Variants in SUGCT observed in about 807,000 individuals in gnomAD.
SUGCT encodes succinyl-CoA:glutarate-CoA transferase, also known as succinyl-CoA:glutarate CoA-transferase.
A neutral mutation model predicts 55.0 loss-of-function variants in SUGCT; 41 were observed. That is an observed-to-expected ratio of 0.74 (90% CI 0.58 to 0.97). The LOEUF is 0.97. SUGCT is among the 50% of genes least tolerant of loss of function. The pLI, the probability that SUGCT is intolerant of heterozygous loss-of-function variation, is 0.00. For missense variants in SUGCT, 568 were observed against 547.8 expected, an observed-to-expected ratio of 1.04 and a Z score of -0.37; for synonymous variants, 187 against 200.4, an observed-to-expected ratio of 0.93 and a Z score of 0.56.
At chr7:40,777,228 A>T (rs754157701) in intron 13 of SUGCT, among the ~76,000 whole-genome samples, 2 of 152,132 alleles carry the variant, frequency 1.3e-5, no homozygotes, top group Non-Finnish European at 2.9e-5. Flanking sequence ...CTAGACCCAG[A>T]TATTAGTTTC....
chr7:40,762,683 G>A (rs543833617), intron 13 of SUGCT, among the ~76,000 whole-genome samples: 9 of 152,086 alleles, frequency 5.9e-5, no homozygotes, highest in Non-Finnish European at 8.8e-5. Flanking sequence ...TTTCTTAGGA[G>A]CAGAGATTGA....
intron 6 of SUGCT, among the ~76,000 whole-genome samples, chr7:40,210,468 GTA>G (rs904784701): frequency 6.7e-6 from 1 of 149,112 alleles, no homozygotes; most frequent in Non-Finnish European, 1.5e-5. Flanking sequence ...GTGTGTGTGT[GTA>G]TATATATATG....
chr7:40,952,849 T>A, the SUGCT span, among the ~76,000 whole-genome samples: 5 of 152,220 alleles, frequency 3.3e-5, no homozygotes, highest in African/African-American at 1.2e-4. Context: ...CTTCCCTTTG[T>A]GGGTAACCCA....
chr7:40,365,031 G>A (rs868442786), intron 9 of SUGCT, among the ~76,000 whole-genome samples: 1,794 of 152,042 alleles, frequency 0.012, 33 homozygotes, highest in African/African-American at 0.039. Flanking sequence ...CTGGCAAACC[G>A]AATCCAGCAG....
intron 13 of SUGCT, among the ~76,000 whole-genome samples, chr7:40,801,224 A>G (rs762032639): frequency 5.9e-5 from 9 of 152,230 alleles, no homozygotes; most frequent in Non-Finnish European, 1.0e-4. Flanking sequence ...ACTTCAGCAT[A>G]CACATGAGCC....
chr7:40,613,790 A>T (rs1368133992), intron 12 of SUGCT, among the ~76,000 whole-genome samples: 1 of 152,066 alleles, frequency 6.6e-6, no homozygotes, highest in Non-Finnish European at 1.5e-5. Context: ...TTGTATTTTT[A>T]GTAGAAACGG....
intron 13 of SUGCT, among the ~76,000 whole-genome samples, chr7:40,814,365 A>C (rs1047095220): frequency 2.6e-5 from 4 of 152,050 alleles, no homozygotes; most frequent in Admixed American, 2.6e-4. Context: ...CACTTTACAT[A>C]ATATTTCTTG....
intron 13 of SUGCT, among the ~76,000 whole-genome samples, chr7:40,828,654 A>C (rs1289454921): frequency 6.6e-6 from 1 of 152,066 alleles, no homozygotes; most frequent in Non-Finnish European, 1.5e-5. Flanking sequence ...TTTACCCTTT[A>C]CATTAATTTG....
chr7:40,516,020 C>T (rs1295396738), intron 12 of SUGCT, among the ~76,000 whole-genome samples: 1 of 151,898 alleles, frequency 6.6e-6, no homozygotes, highest in Non-Finnish European at 1.5e-5. Context: ...TCCCTTTCTT[C>T]TTTCTTCTTT....
chr7:40,776,009 C>A (rs1267123398), intron 13 of SUGCT, among the ~76,000 whole-genome samples: 1 of 152,190 alleles, frequency 6.6e-6, no homozygotes, highest in Non-Finnish European at 1.5e-5. Flanking sequence ...CACCTGAGCC[C>A]TTCCCCATTG....
intron 1 of SUGCT, among the ~76,000 whole-genome samples, chr7:40,158,624 C>A (rs1210066249): frequency 6.6e-6 from 1 of 152,108 alleles, no homozygotes; most frequent in East Asian, 1.9e-4. Context: ...GTGGCATGTG[C>A]CTGTAGGCCG....
chr7:40,766,892 A>G (rs1788818960), intron 13 of SUGCT, among the ~76,000 whole-genome samples: 1 of 152,200 alleles, frequency 6.6e-6, no homozygotes, highest in Non-Finnish European at 1.5e-5. Context: ...TTTAATTTGC[A>G]CTATGGGGAA....
intron 9 of SUGCT, among the ~76,000 whole-genome samples, chr7:40,377,793 AATT>A (rs1784678831): frequency 6.6e-6 from 1 of 152,182 alleles, no homozygotes; most frequent in African/African-American, 2.4e-5. Context: ...GCTTGCAATT[AATT>A]ATTTTATAAT....
At chr7:40,579,808 G>A (rs1278096423) in intron 12 of SUGCT, among the ~76,000 whole-genome samples, 1 of 152,154 alleles carries the variant, frequency 6.6e-6, no homozygotes, top group Admixed American at 6.6e-5. Flanking sequence ...CCCAATGTGA[G>A]GCCAAAGCAC....
intron 11 of SUGCT, among the ~76,000 whole-genome samples, chr7:40,475,981 A>G (rs1416564870): frequency 6.6e-6 from 1 of 152,080 alleles, no homozygotes; most frequent in East Asian, 1.9e-4. Context: ...CTGAGGTGGT[A>G]TAGCAGGGGG....
intron 9 of SUGCT, among the ~76,000 whole-genome samples, chr7:40,405,313 A>G (rs1037232938): frequency 6.6e-6 from 1 of 152,202 alleles, no homozygotes; most frequent in Non-Finnish European, 1.5e-5. Context: ...ATTATAGGAT[A>G]TGTTATATAA....
intron 13 of SUGCT, among the ~76,000 whole-genome samples, chr7:40,856,124 C>T (rs1022053632): frequency 3.3e-5 from 5 of 152,166 alleles, no homozygotes; most frequent in African/African-American, 1.2e-4. Context: ...CTCTTATTCT[C>T]CTTCTACAAT....
intron 8 of SUGCT, among the ~76,000 whole-genome samples, chr7:40,291,537 G>A (rs1326553551): frequency 6.7e-6 from 1 of 149,572 alleles, no homozygotes; most frequent in Non-Finnish European, 1.5e-5. Flanking sequence ...GATAGCATTA[G>A]GAGATATACC....
the SUGCT span, among the ~76,000 whole-genome samples, chr7:40,897,123 A>G: frequency 1.3e-5 from 2 of 152,236 alleles, no homozygotes; most frequent in Non-Finnish European, 2.9e-5. Flanking sequence ...AGTCTCTTCA[A>G]TAAATGGTTT....
Sources: allele counts gnomAD v4.1 joint callset (sites outside exome capture counted in the v4.1 genomes callset), GRCh38; gene constraint gnomAD v4.1.1; transcripts MANE v1.5; gene names NCBI Gene and HGNC (gene_info 2026-07-23, HGNC 2026-07-21).